CNTNAP5: variants seen among roughly 807,000 people sequenced by gnomAD.
The protein encoded by CNTNAP5 is contactin associated protein family member 5, also known as contactin-associated protein-like 5.
Under a neutral mutation model 150.2 loss-of-function variants are expected in CNTNAP5, and 72 were observed. The ratio of observed to expected loss-of-function variants is 0.48; its 90% confidence interval spans 0.40 to 0.58. CNTNAP5 has a LOEUF of 0.58. Among genes scored for constraint, CNTNAP5 ranks in the 20% least tolerant of loss-of-function variants. The probability of loss-of-function intolerance (pLI) is 0.00; values close to 1 mark genes in which losing one functional copy is unlikely to be tolerated. For synonymous variants in CNTNAP5, 672 were observed against 619.8 expected, an observed-to-expected ratio of 1.08 and a Z score of -1.25; for missense variants, 1,636 against 1,626.2, an observed-to-expected ratio of 1.01 and a Z score of -0.10.
intron 3 of CNTNAP5, among the ~76,000 whole-genome samples, chr2:124,402,419 G>A (rs149997145): frequency 2.6e-5 from 4 of 152,276 alleles, no homozygotes; most frequent in African/African-American, 9.6e-5. Context: ...AGTCGATAGC[G>A]ACTCCCTGAG....
intron 13 of CNTNAP5, among the ~76,000 whole-genome samples, chr2:124,712,333 C>G (rs7582461): frequency 0.66 from 99,611 of 152,008 alleles, 33,383 homozygotes; most frequent in Non-Finnish European, 0.72. Flanking sequence ...ACCATATTTG[C>G]TAGACAGCAT....
intron 10 of CNTNAP5, among the ~76,000 whole-genome samples, chr2:124,538,199 G>A (rs540793763): frequency 1.3e-5 from 2 of 152,270 alleles, no homozygotes; most frequent in East Asian, 3.9e-4. Flanking sequence ...AAATTCAGAT[G>A]TTTTAGGCCA....
chr2:124,788,201 C>T (rs945947190), intron 17 of CNTNAP5, among the ~76,000 whole-genome samples: 4 of 152,110 alleles, frequency 2.6e-5, no homozygotes, highest in Non-Finnish European at 5.9e-5. Context: ...CTTAATTTGC[C>T]GGCTTGTCTT....
chr2:124,031,097 C>A (rs77760633), intron 1 of CNTNAP5, among the ~76,000 whole-genome samples: 137 of 1,374 alleles, frequency 0.1, 2 homozygotes, highest in East Asian at 0.51. Flanking sequence ...TCTAGAATAC[C>A]CTTTTTCTTT....
intron 21 of CNTNAP5, among the ~76,000 whole-genome samples, chr2:124,870,299 G>A (rs1051192038): frequency 1.3e-5 from 2 of 151,070 alleles, no homozygotes; most frequent in African/African-American, 2.4e-5. Flanking sequence ...TTAAACTTTA[G>A]TAATGTCTTT....
intron 4 of CNTNAP5, among the ~76,000 whole-genome samples, chr2:124,431,127 TGGCTTA>T (rs1692368799): frequency 6.6e-6 from 1 of 152,154 alleles, no homozygotes; most frequent in Non-Finnish European, 1.5e-5. Context: ...TTCTACTGAT[TGGCTTA>T]GTTTTCTCTA....
chr2:124,451,710 C>T (rs750299063), intron 6 of CNTNAP5, among the ~76,000 whole-genome samples: 6 of 152,154 alleles, frequency 3.9e-5, no homozygotes, highest in South Asian at 2.1e-4. Context: ...CCAAATACTG[C>T]GAGTGCCCAA....
intron 8 of CNTNAP5, among the ~76,000 whole-genome samples, chr2:124,507,985 A>G (rs943570661): frequency 6.6e-6 from 1 of 152,182 alleles, no homozygotes; most frequent in African/African-American, 2.4e-5. Flanking sequence ...AAGCAGGTAA[A>G]TATGCCCAGC....
At chr2:124,794,333 G>A (rs1476133808) in intron 18 of CNTNAP5, among the ~76,000 whole-genome samples, 1 of 152,198 alleles carries the variant, frequency 6.6e-6, no homozygotes, top group Non-Finnish European at 1.5e-5. Flanking sequence ...CGAGATGTGG[G>A]AAGCGCAGGA....
intron 1 of CNTNAP5, among the ~76,000 whole-genome samples, chr2:124,054,611 C>A (rs1282510369): frequency 6.6e-6 from 1 of 152,150 alleles, no homozygotes; most frequent in Non-Finnish European, 1.5e-5. Flanking sequence ...AAATTAAGTT[C>A]TGTGGGATGT....
chr2:124,174,328 G>A (rs1685011843), intron 1 of CNTNAP5, among the ~76,000 whole-genome samples: 1 of 152,136 alleles, frequency 6.6e-6, no homozygotes, highest in South Asian at 2.1e-4. Context: ...GCCAGTTAGT[G>A]GTTCTTCTGA....
intron 1 of CNTNAP5, among the ~76,000 whole-genome samples, chr2:124,118,990 G>A (rs1008114132): frequency 1.3e-5 from 2 of 152,142 alleles, no homozygotes; most frequent in Non-Finnish European, 2.9e-5. Context: ...TCTTACTAGT[G>A]GATATGGTGA....
chr2:124,576,203 A>C (rs1254942337), intron 11 of CNTNAP5, among the ~76,000 whole-genome samples: 1 of 152,080 alleles, frequency 6.6e-6, no homozygotes, highest in East Asian at 1.9e-4. Context: ...AAAGGAGATA[A>C]AATTTTCCAT....
chr2:124,207,027 C>T (rs72838256), intron 1 of CNTNAP5, among the ~76,000 whole-genome samples: 2 of 152,180 alleles, frequency 1.3e-5, no homozygotes, highest in Non-Finnish European at 2.9e-5. Context: ...TGTTTAGTAT[C>T]AAATGGTAGC....
At chr2:124,167,386 G>C (rs1293085576) in intron 1 of CNTNAP5, among the ~76,000 whole-genome samples, 1 of 151,996 alleles carries the variant, frequency 6.6e-6, no homozygotes, top group African/African-American at 2.4e-5. Flanking sequence ...TTTTTACTTG[G>C]CAATATTAAC....
At chr2:124,250,436 G>A (rs977209291) in intron 3 of CNTNAP5, among the ~76,000 whole-genome samples, 3 of 152,172 alleles carry the variant, frequency 2.0e-5, no homozygotes, top group Admixed American at 2.0e-4. Flanking sequence ...TGATGTGCCT[G>A]GGGGAGAGGC....
At chr2:124,410,882 A>G (rs1475423020) in intron 3 of CNTNAP5, among the ~76,000 whole-genome samples, 20 of 151,594 alleles carry the variant, frequency 1.3e-4, no homozygotes, top group Non-Finnish European at 1.9e-4. Context: ...CTAAAATCAG[A>G]GCAGAACTGA....
At chr2:124,647,135 G>A (rs559773034) in intron 12 of CNTNAP5, among the ~76,000 whole-genome samples, 33 of 141,040 alleles carry the variant, frequency 2.3e-4, no homozygotes, top group African/African-American at 2.3e-4. Flanking sequence ...ATGTCCTTCC[G>A]TCATGATTTA....
At chr2:124,086,803 T>A (rs1682703695) in intron 1 of CNTNAP5, among the ~76,000 whole-genome samples, 1 of 150,918 alleles carries the variant, frequency 6.6e-6, no homozygotes, top group South Asian at 2.1e-4. Context: ...AGGCCATTTA[T>A]ATTTTATTTT....
Sources: allele counts gnomAD v4.1 joint callset (sites outside exome capture counted in the v4.1 genomes callset), GRCh38; gene constraint gnomAD v4.1.1; transcripts MANE v1.5; gene names NCBI Gene and HGNC (gene_info 2026-07-23, HGNC 2026-07-21).